The following CADM2 variants were observed in gnomAD, a reference collection of about 807,000 sequenced individuals.
CADM2 encodes cell adhesion molecule 2.
A neutral mutation model predicts 49.8 loss-of-function variants in CADM2; 12 were observed. The ratio of observed to expected loss-of-function variants is 0.24; its 90% confidence interval spans 0.15 to 0.39. CADM2 has a LOEUF of 0.39. Among genes scored for constraint, CADM2 ranks in the 10% least tolerant of loss-of-function variants. The pLI, the probability that CADM2 is intolerant of heterozygous loss-of-function variation, is 1.00. For synonymous variants in CADM2, 214 were observed against 175.4 expected (o/e 1.22, Z -1.74); for missense variants, 378 against 492.3 (o/e 0.77, Z 2.20).
intron 1 of CADM2, among the ~76,000 whole-genome samples, chr3:85,251,993 T>C (rs1239961604): frequency 1.3e-5 from 2 of 151,960 alleles, no homozygotes; most frequent in East Asian, 3.9e-4. Context: ...CCACAAAGCC[T>C]GGAATTTGCC....
intron 3 of CADM2, among the ~76,000 whole-genome samples, chr3:85,875,737 A>C (rs1711737581): frequency 6.6e-6 from 1 of 152,178 alleles, no homozygotes; most frequent in African/African-American, 2.4e-5. Flanking sequence ...TTAGCACAGG[A>C]CTAAGTGGAC....
chr3:85,880,729 A>G (rs1559718458), intron 3 of CADM2, among the ~76,000 whole-genome samples: 1 of 152,152 alleles, frequency 6.6e-6, no homozygotes, highest in Non-Finnish European at 1.5e-5. Context: ...TTGTTTATAT[A>G]GTTTTCATCT....
chr3:85,059,382 A>G (rs941542934), intron 1 of CADM2, among the ~76,000 whole-genome samples: 4 of 152,108 alleles, frequency 2.6e-5, no homozygotes, highest in Non-Finnish European at 5.9e-5. Context: ...AAGGAAGTGA[A>G]AGATATCAGA....
At chr3:85,357,407 A>G (rs2031955636) in intron 1 of CADM2, among the ~76,000 whole-genome samples, 1 of 152,136 alleles carries the variant, frequency 6.6e-6, no homozygotes. Context: ...CCAAATTCTT[A>G]TAACTAGGAT....
In CADM2 at chr3:85,906,169, A is replaced by C. The variant is rs537260524; in HGVS notation, c.530-6204A>C. ...TGCCATATGTTATTATATTTTGGGC[A>C]TGCAATAAAACATCATTTTAAATAT... is the stretch of plus-strand genomic sequence containing the variant. On this transcript the variant is annotated intron_variant, in intron 5 of 9. Transcript: ENST00000383699. Among the ~76,000 whole-genome samples the C allele has an allele frequency of 8.5e-5, 13 of 152,268 alleles. No homozygotes were observed. In the South Asian group the frequency reaches 1.4e-3, roughly 17 times the overall value.
chr3:85,292,205 A>G (rs1416066387), intron 1 of CADM2, among the ~76,000 whole-genome samples: 2 of 149,676 alleles, frequency 1.3e-5, no homozygotes, highest in Non-Finnish European at 2.9e-5. Flanking sequence ...CCATTACATA[A>G]TGGTAAAGGG....
At chr3:85,665,026 A>G (rs186267412) in intron 1 of CADM2, among the ~76,000 whole-genome samples, 1 of 152,026 alleles carries the variant, frequency 6.6e-6, no homozygotes, top group Non-Finnish European at 1.5e-5. Context: ...AAATTTTCAG[A>G]ACTTTAAAAG....
At chr3:85,578,235 G>A (rs555189108) in intron 1 of CADM2, among the ~76,000 whole-genome samples, 37 of 152,198 alleles carry the variant, frequency 2.4e-4, no homozygotes, top group Middle Eastern at 3.4e-3. Context: ...ATTGTCAGAT[G>A]CACTAATGAT....
intron 1 of CADM2, among the ~76,000 whole-genome samples, chr3:85,623,799 A>C (rs965825765): frequency 3.9e-5 from 6 of 152,196 alleles, no homozygotes; most frequent in African/African-American, 9.6e-5. Context: ...TATTTCAAGA[A>C]TATTTTATTT....
intron 1 of CADM2, among the ~76,000 whole-genome samples, chr3:85,628,033 C>G (rs1348970414): frequency 1.3e-5 from 2 of 151,908 alleles, no homozygotes; most frequent in African/African-American, 4.8e-5. Context: ...AGTGTTGGGC[C>G]GAACAGTATG....
At chr3:85,759,129 GT>G (rs900427476) in intron 2 of CADM2, among the ~76,000 whole-genome samples, 96 of 152,088 alleles carry the variant, frequency 6.3e-4, no homozygotes, top group African/African-American at 2.3e-3. Flanking sequence ...AATAATAAAT[GT>G]ATGGATATAT....
At chr3:85,787,522 A>AG (rs933617145) in intron 2 of CADM2, among the ~76,000 whole-genome samples, 52 of 152,126 alleles carry the variant, frequency 3.4e-4, no homozygotes, top group African/African-American at 1.2e-3. Flanking sequence ...ACCAAAATCC[A>AG]GGCATACTCA....
intron 1 of CADM2, among the ~76,000 whole-genome samples, chr3:85,078,740 C>G (rs1464350980): frequency 6.6e-6 from 1 of 151,282 alleles, no homozygotes; most frequent in African/African-American, 2.4e-5. Context: ...GAAAATATAG[C>G]CGGTAACCCC....
At chr3:86,004,019 G>A (rs1730485803) in intron 8 of CADM2, among the ~76,000 whole-genome samples, 1 of 152,128 alleles carries the variant, frequency 6.6e-6, no homozygotes, top group Admixed American at 6.5e-5. Flanking sequence ...TGGGCCACAT[G>A]CAGACCATGG....
intron 1 of CADM2, among the ~76,000 whole-genome samples, chr3:85,297,446 T>C (rs2043993710): frequency 6.6e-6 from 1 of 151,802 alleles, no homozygotes; most frequent in Non-Finnish European, 1.5e-5. Flanking sequence ...TCAGAATCCT[T>C]TGGATGACAT....
chr3:85,399,030 GC>G (rs2034948458), intron 1 of CADM2, among the ~76,000 whole-genome samples: 1 of 152,126 alleles, frequency 6.6e-6, no homozygotes, highest in South Asian at 2.1e-4. Flanking sequence ...GTCAATTCTG[GC>G]TTTTGTTGCC....
chr3:85,542,843 C>A (rs1169167011), intron 1 of CADM2, among the ~76,000 whole-genome samples: 1 of 152,132 alleles, frequency 6.6e-6, no homozygotes, highest in Non-Finnish European at 1.5e-5. Context: ...TCAAGAGTGG[C>A]AAATATTTCA....
intron 3 of CADM2, among the ~76,000 whole-genome samples, chr3:85,870,231 G>A (rs2075873383): frequency 6.6e-6 from 1 of 151,312 alleles, no homozygotes; most frequent in Non-Finnish European, 1.5e-5. Flanking sequence ...CTAACTTTTT[G>A]TTGTTGTTGA....
chr3:85,633,842 A>C (rs147935728), intron 1 of CADM2, among the ~76,000 whole-genome samples: 1 of 152,080 alleles, frequency 6.6e-6, no homozygotes, highest in Non-Finnish European at 1.5e-5. Context: ...TCAATTTTGT[A>C]TAATATAACA....
Sources: allele counts gnomAD v4.1 joint callset (sites outside exome capture counted in the v4.1 genomes callset), GRCh38; gene constraint gnomAD v4.1.1; transcripts MANE v1.5; gene names NCBI Gene and HGNC (gene_info 2026-07-23, HGNC 2026-07-21).